AHNAK2: variants seen among roughly 807,000 people sequenced by gnomAD.
The protein encoded by AHNAK2 is protein AHNAK2.
In AHNAK2, 18 loss-of-function variants were observed where a neutral mutation model predicts 30.7. The ratio of observed to expected loss-of-function variants is 0.59; its 90% CI spans 0.41 to 0.87. The LOEUF (loss-of-function observed/expected upper bound fraction) is 0.87, where lower values mean the gene tolerates loss of function less well. AHNAK2 is among the 40% of genes least tolerant of loss of function. AHNAK2 has a pLI of 0.00. For missense variants in AHNAK2, 8,604 were observed against 7,373.0 expected (o/e 1.17, Z -6.11); for synonymous variants, 3,590 against 3,073.8 (o/e 1.17, Z -5.56).
In AHNAK2 at chr14:104,943,464, G is replaced by A. The variant is rs761354975; in HGVS notation, c.11987C>T (p.Pro3996Leu). The change falls in exon 7 of 7, where the codon CCA becomes CTA. Residue 3996 changes from proline to leucine, a missense_variant. Coordinates refer to ENST00000333244, the MANE Select transcript of AHNAK2 (RefSeq NM_138420.4). ...GAGGCTCACGTCGGCCTCCACCTTT[G>A]GCGCGGTCACATCCACTGATGCCTC... Reference protein sequence around the residue: ...SMEASVDVTAPKVEADVSLPS... With the variant: ...SMEASVDVTALKVEADVSLPS... 1.2e-6 allele frequency: 2 copies of A among 1,612,848 alleles called. No homozygotes were observed. Among genetic ancestry groups the A allele is most frequent in the Non-Finnish European group, 1.7e-6 (2 of 1,179,502 alleles).
At chr14:104,964,652 G>T (rs1339769181) in intron 1 of AHNAK2, among the ~76,000 whole-genome samples, 1 of 152,216 alleles carries the variant, frequency 6.6e-6, no homozygotes, top group Non-Finnish European at 1.5e-5. Context: ...CAACGTGGAT[G>T]AAGTTCACAA....
chr14:104,971,147 C>G (rs1899462117), intron 1 of AHNAK2, among the ~76,000 whole-genome samples: 1 of 152,180 alleles, frequency 6.6e-6, no homozygotes. Flanking sequence ...AACAGGGTCT[C>G]TCTCTCACCC....
At position 104,954,041 on chromosome 14, in the gene AHNAK2, T is replaced by C. The variant is rs372085803; in HGVS notation, c.1410A>G (p.Thr470=). 1.9e-6 allele frequency: 3 copies of C among 1,613,642 alleles called. No homozygotes were observed. In the African/African-American group the frequency reaches 4.0e-5, roughly 22 times the overall value. The change falls in exon 7 of 7, where the codon ACA becomes ACG. Residue 470 remains threonine (T), a synonymous_variant. Transcript: ENST00000333244. The surrounding 1 kb of genome is among the most constrained non-coding windows in gnomAD (Gnocchi z 4.3). ...GGCCAATCTGTGTGCCTCCTTCGGTTGTGTCTCTCAAGGACAGTCTGGCGA... is the reference window on the plus strand; with the variant it reads ...GGCCAATCTGTGTGCCTCCTTCGGTCGTGTCTCTCAAGGACAGTCTGGCGA... ...IGIARLSLRD[T]TEGGTQIGPP...
rs566086148 is a variant in AHNAK2, at chr14:104,940,002, C to A, written c.15449G>T (p.Gly5150Val). 2 of 1,612,512 alleles carry A rather than the reference C, an allele frequency of 1.2e-6. No homozygotes were observed. The highest frequency in any genetic ancestry group is 1.7e-5 in the Admixed American group (1 of 59,998). The change falls in exon 7 of 7, where the codon GGG (glycine) becomes GTG (valine). Residue 5150 changes from glycine to valine, a missense_variant. By Grantham distance (109) the Gly-to-Val change is moderately radical. Transcript: ENST00000333244. This position sits in a 1 kb window ranked among gnomAD's most constrained non-coding sequence, Gnocchi z 4.4. ...GGGATCTTCAGGTGTGGGGGCTATC[C>A]CCTCCCCACAAGGCTGGCTCACTGG... The part of the protein sequence containing the change: ...DVPVSQPCGE[G>V]IAPTPEDPLQ...
rs1347862255 is a variant in AHNAK2, at chr14:104,953,449, C to T, written c.2002G>A (p.Val668Met). 6.2e-7 allele frequency: 1 copy of T among 1,614,054 alleles called. No homozygotes were observed. The highest frequency in any genetic ancestry group is 1.3e-5 in the African/African-American group (1 of 75,060). Residue 668 changes from valine to methionine, a missense_variant, in exon 7 of 7, where the codon GTG (valine) becomes ATG (methionine). Val to Met is a conservative substitution (Grantham distance 21). Transcript: ENST00000333244. The stretch of plus-strand genomic sequence containing the variant: ...TTGAACTTGCTGTCTTTGGTGGCCA[C>T]TTCCTTTTCTGTCAGAATTTGTTCC... ...KKEQILTEKE[V>M]ATKDSKFKMP...
intron 1 of AHNAK2, among the ~76,000 whole-genome samples, chr14:104,977,212 T>A (rs1899615592): frequency 6.6e-6 from 1 of 152,200 alleles, no homozygotes; most frequent in African/African-American, 2.4e-5. Context: ...GGGTCCAGCC[T>A]GCACCAGTGC....
intron 1 of AHNAK2, among the ~76,000 whole-genome samples, chr14:104,960,285 A>T (rs1441130125): frequency 6.6e-6 from 1 of 152,190 alleles, no homozygotes; most frequent in African/African-American, 2.4e-5. Context: ...GTTCAATGAA[A>T]CTTGGGTCAA....
chr14:104,964,382 G>A (rs2819451), intron 1 of AHNAK2, among the ~76,000 whole-genome samples: 17,769 of 152,048 alleles, frequency 0.12, 2,407 homozygotes, highest in East Asian at 0.51. Context: ...ATCCTGGTGT[G>A]GGTTGGGGGT....
chr14:104,940,718 C>T lies in AHNAK2; in HGVS notation c.14733G>A (p.Leu4911=). ...RVQCPLPSTQ[L]PSPGTCVSQG... ...GAGACACACAGGTGCCTGGGGATGG[C>T]AGCTGGGTGCTTGGCAAGGGGCACT... The change falls in exon 7 of 7, where the codon CTG becomes CTA. Residue 4911 remains leucine (L), a synonymous_variant. Transcript: ENST00000333244. The surrounding 1 kb of genome is among the most constrained non-coding windows in gnomAD (Gnocchi z 4.4). The T allele has an allele frequency of 6.2e-7, 1 of 1,612,920 alleles. No individual in the cohort carries two copies. Among genetic ancestry groups the T allele is most frequent in the Non-Finnish European group, 8.5e-7 (1 of 1,179,750 alleles).
At chr14:104,974,685 CG>C (rs1899553776) in intron 1 of AHNAK2, among the ~76,000 whole-genome samples, 1 of 152,236 alleles carries the variant, frequency 6.6e-6, no homozygotes, top group African/African-American at 2.4e-5. Flanking sequence ...CCAGGGTTCC[CG>C]GGGTGGCTTT....
rs759415171 is a variant in AHNAK2 at position 104,951,673 on chromosome 14, C to T, written c.3778G>A (p.Asp1260Asn). The change falls in exon 7 of 7, where the codon GAC becomes AAC. Residue 1260 changes from aspartate (D) to asparagine (N), a missense_variant. Physicochemically the swap from Asp to Asn is conservative, Grantham distance 23 (BLOSUM62 1). Coordinates refer to ENST00000333244, the MANE Select transcript of AHNAK2 (RefSeq NM_138420.4). ...QMPSLKMPKVDLKGPQVEVRG... is the reference protein window; with the variant it reads ...QMPSLKMPKVNLKGPQVEVRG... Reference sequence around the variant, plus strand: ...ACTTCCACCTGGGGGCCCTTGAGGTCCACTTTGGGCATCTTCAAACTAGGC... The same window carrying T: ...ACTTCCACCTGGGGGCCCTTGAGGTTCACTTTGGGCATCTTCAAACTAGGC... 1 of 1,246,596 alleles carries T rather than the reference C, an allele frequency of 8.0e-7. No homozygotes were observed. The allele number at this position is 1,246,596 out of a possible 1,614,324, so 77.2% of individuals were successfully genotyped here.
chr14:104,939,388 G>A lies in AHNAK2; in HGVS notation c.16063C>T (p.Leu5355Phe). ...EKWSSQPEGP[L>F]KLKASSTDMP... ...TCAGTACTTGAAGCTTTCAATTTAA[G>A]TGGACCTTCAGGCTGGGAAGACCAT... The change falls in exon 7 of 7, where the codon CTT (leucine) becomes TTT (phenylalanine). Residue 5355 changes from leucine to phenylalanine, a missense_variant. Transcript: ENST00000333244. The A allele has an allele frequency of 1.9e-6, 3 of 1,613,686 alleles. No homozygotes were observed. The highest frequency in any genetic ancestry group is 1.6e-4 in the Middle Eastern group (1 of 6,062).
intron 1 of AHNAK2, among the ~76,000 whole-genome samples, chr14:104,967,260 T>G (rs1595432160): frequency 6.8e-6 from 1 of 148,128 alleles, no homozygotes; most frequent in South Asian, 2.1e-4. Context: ...GGGTTGGGGG[T>G]GGGGGGCAGC....
In AHNAK2 at chr14:104,944,786, G is replaced by T; in HGVS notation, c.10665C>A (p.His3555Gln). The change falls in exon 7 of 7, where the codon CAC (histidine) becomes CAA (glutamine). Residue 3555 changes from histidine (H) to glutamine (Q), a missense_variant. Physicochemically the swap from His to Gln is conservative, Grantham distance 24. Coordinates refer to ENST00000333244, the MANE Select transcript of AHNAK2 (RefSeq NM_138420.4). ...AACTGGGCATCTCCACTTTGGGCAG[G>T]TGCCCTTTGAGGCCGGCTCCCTCGG... Reference protein sequence around the residue: ...PVPEGAGLKGHLPKVEMPSLK... With the variant: ...PVPEGAGLKGQLPKVEMPSLK... The T allele has an allele frequency of 6.2e-7, 1 of 1,612,886 alleles. No individual in the cohort carries two copies. The highest frequency in any genetic ancestry group is 8.5e-7 in the Non-Finnish European group (1 of 1,179,548).
In AHNAK2 at chr14:104,947,909, C is replaced by T. The variant is rs748230534; in HGVS notation, c.7542G>A (p.Glu2514=). ...GCATGGAGGAGAGGCTCCCGTCGGC[C>T]TCCACCTTCGGCGCAGACACATCCA... The part of the protein sequence containing the change: ...ASVDVSAPKV[E]ADGSLSSMQG... The change falls in exon 7 of 7, where the codon GAG becomes GAA. Residue 2514 remains glutamate (E), a synonymous_variant. Transcript: ENST00000333244. The T allele has an allele frequency of 5.3e-5, 85 of 1,611,904 alleles. No individual in the cohort carries two copies. The highest frequency in any genetic ancestry group is 8.8e-5 in the South Asian group (8 of 91,018).
intron 1 of AHNAK2, among the ~76,000 whole-genome samples, chr14:104,965,996 G>A (rs930753878): frequency 7.2e-5 from 11 of 152,156 alleles, no homozygotes; most frequent in African/African-American, 2.4e-4. Context: ...CTCTGCCTGC[G>A]CGGGCCCCTG....
At chr14:104,973,901 G>A (rs1391710037) in intron 1 of AHNAK2, among the ~76,000 whole-genome samples, 1 of 152,212 alleles carries the variant, frequency 6.6e-6, no homozygotes, top group Non-Finnish European at 1.5e-5. Flanking sequence ...GGGGAGGGGA[G>A]GGCGGTGGCT....
At position 104,950,255 on chromosome 14, in the gene AHNAK2, G is replaced by C. The variant is rs201495806; in HGVS notation, c.5196C>G (p.Pro1732=). The C allele has an allele frequency of 1.0e-5, 16 of 1,585,558 alleles. 1 individual carries two copies. The highest frequency in any genetic ancestry group is 6.8e-5 in the East Asian group (3 of 44,394). ...VNVKLPEGPL[P]EGAGFKGHLP... ...GGTGCCCTTTGAAGCCGGCTCCCTCGGGAAGGGGGCCCTCCGGGAGTTTCA... is the reference window on the plus strand; with the variant it reads ...GGTGCCCTTTGAAGCCGGCTCCCTCCGGAAGGGGGCCCTCCGGGAGTTTCA... Residue 1732 remains proline, a synonymous_variant, in exon 7 of 7, where the codon CCC becomes CCG. Transcript: ENST00000333244.
rs1308082662 is a variant in AHNAK2 at position 104,947,949 on chromosome 14, G to T, written c.7502C>A (p.Ser2501Tyr). Reference protein sequence around the residue: ...PSFGVSAPGKSIEASVDVSAP... With the variant: ...PSFGVSAPGKYIEASVDVSAP... Reference sequence around the variant, plus strand: ...AGACACATCCACCGAGGCCTCGATGGACTTGCCTGGGGCAGACACCCCGAA... The same window carrying T: ...AGACACATCCACCGAGGCCTCGATGTACTTGCCTGGGGCAGACACCCCGAA... Residue 2501 changes from serine (S) to tyrosine (Y), a missense_variant, in exon 7 of 7, where the codon TCC becomes TAC. Transcript: ENST00000333244. 6.2e-7 allele frequency: 1 copy of T among 1,612,884 alleles called. No individual in the cohort carries two copies. The highest frequency in any genetic ancestry group is 2.2e-5 in the East Asian group (1 of 44,774).
Sources: allele counts gnomAD v4.1 joint callset (sites outside exome capture counted in the v4.1 genomes callset), GRCh38; gene constraint gnomAD v4.1.1; non-coding constraint Gnocchi (gnomAD v3.1); transcripts MANE v1.5; gene names NCBI Gene and HGNC (gene_info 2026-07-23, HGNC 2026-07-21).